OSBPL1A: variants seen among roughly 807,000 people sequenced by gnomAD.
The protein encoded by OSBPL1A is oxysterol binding protein like 1A.
A neutral mutation model predicts 137.1 loss-of-function variants in OSBPL1A; 80 were observed. The ratio of observed to expected loss-of-function variants is 0.58; its 90% CI spans 0.49 to 0.70. OSBPL1A has a LOEUF of 0.70. OSBPL1A is among the 30% of genes least tolerant of loss of function. The pLI, the probability that OSBPL1A is intolerant of heterozygous loss-of-function variation, is 0.00. For synonymous variants in OSBPL1A, 365 were observed against 389.7 expected (o/e 0.94, Z 0.75); for missense variants, 970 against 1,129.4 (o/e 0.86, Z 2.02).
intron 16 of OSBPL1A, among the ~76,000 whole-genome samples, chr18:24,237,871 T>C (rs2088546334): frequency 6.6e-6 from 1 of 152,184 alleles, no homozygotes; most frequent in Non-Finnish European, 1.5e-5. Context: ...TCTCAAATCC[T>C]ACCTTCTCTT....
chr18:24,210,965 TTTTTG>T (rs958930010), intron 17 of OSBPL1A, among the ~76,000 whole-genome samples: 58 of 152,228 alleles, frequency 3.8e-4, no homozygotes, highest in Middle Eastern at 3.4e-3. Flanking sequence ...TAACTTTTTT[TTTTTG>T]TTTGTTTGTT....
At position 24,353,527 on chromosome 18, in the gene OSBPL1A, A is replaced by G. The variant is rs552446374; in HGVS notation, c.283-11869T>C. Among the ~76,000 whole-genome samples the G allele has an allele frequency of 1.9e-3, 289 of 152,074 alleles. 2 individuals are homozygous for G. Among genetic ancestry groups the G allele is most frequent in the African/African-American group, 6.7e-3 (278 of 41,438 alleles). ...CAGTGTGGCGATTCCTCAGGGATCT[A>G]GAACTAGAAATACCATTTGACCCAG... On this transcript the variant is annotated intron_variant, in intron 4 of 27. Coordinates refer to ENST00000319481, the MANE Select transcript of OSBPL1A (RefSeq NM_080597.4).
At chr18:24,358,300 T>A in intron 4 of OSBPL1A, 1 of 598,526 alleles carries the variant, frequency 1.7e-6, no homozygotes, top group East Asian at 2.8e-5. Flanking sequence ...GCCTGGCTGC[T>A]CATCCCCAAC....
intron 7 of OSBPL1A, among the ~76,000 whole-genome samples, chr18:24,331,395 C>T (rs1265301727): frequency 1.4e-5 from 2 of 147,242 alleles, no homozygotes; most frequent in African/African-American, 2.5e-5. Context: ...TGGCATGTTC[C>T]TCTTTTTTTT....
chr18:24,381,484 A>G (rs1906584995), intron 1 of OSBPL1A, among the ~76,000 whole-genome samples: 2 of 152,210 alleles, frequency 1.3e-5, no homozygotes, highest in African/African-American at 4.8e-5. Context: ...CATGACTCAG[A>G]ATCTTATTTT....
At chr18:24,379,286 G>A (rs1599734153) in intron 1 of OSBPL1A, among the ~76,000 whole-genome samples, 1 of 152,124 alleles carries the variant, frequency 6.6e-6, no homozygotes, top group Non-Finnish European at 1.5e-5. Context: ...TTGAGAGGCC[G>A]AGGCGGGTGG....
intron 15 of OSBPL1A, among the ~76,000 whole-genome samples, chr18:24,267,296 T>C (rs996496393): frequency 6.6e-6 from 1 of 151,584 alleles, no homozygotes; most frequent in Admixed American, 6.6e-5. Flanking sequence ...TAAATATATG[T>C]AGTTACTAGT....
intron 17 of OSBPL1A, among the ~76,000 whole-genome samples, chr18:24,200,030 GTAATT>G (rs1032805778): frequency 3.3e-5 from 5 of 152,324 alleles, no homozygotes; most frequent in South Asian, 2.1e-4. Context: ...ACTAATTTTA[GTAATT>G]TATTTTATTT....
intron 1 of OSBPL1A, among the ~76,000 whole-genome samples, chr18:24,394,909 T>G (rs996699899): frequency 1.3e-5 from 2 of 152,142 alleles, no homozygotes; most frequent in African/African-American, 2.4e-5. Flanking sequence ...GTAATAGCAT[T>G]AAAACTATTT....
chr18:24,219,775 T>C (rs779962874), intron 17 of OSBPL1A, among the ~76,000 whole-genome samples: 1 of 152,174 alleles, frequency 6.6e-6, no homozygotes, highest in Non-Finnish European at 1.5e-5. Context: ...TGAGGAAAGA[T>C]GCCTCACAGT....
chr18:24,341,655 A>T lies in OSBPL1A; in HGVS notation c.286T>A (p.Leu96Met). The T allele has an allele frequency of 6.3e-7, 1 of 1,586,392 alleles. No individual in the cohort carries two copies. The highest frequency in any genetic ancestry group is 8.6e-7 in the Non-Finnish European group (1 of 1,162,908). The change falls in exon 5 of 28, where the codon TTG becomes ATG. Residue 96 changes from leucine (L) to methionine (M), a missense_variant. Leu to Met is a conservative substitution (Grantham distance 15). Around this residue, in one of 2 missense-constraint regions of OSBPL1A, gnomAD observed 647 missense variants for 672.6 expected, o/e 0.96. Transcript: ENST00000319481. The stretch of plus-strand genomic sequence containing the variant: ...TTATATTCTAAGAGAAGCATTACCA[A>T]CTCCTAAAAATCAGAGAATTTATTT... ...HRAAFTGRKELVMLLLEYNAD... is the reference protein window; with the variant it reads ...HRAAFTGRKEMVMLLLEYNAD...
At chr18:24,229,093 C>T (rs1319419182) in intron 16 of OSBPL1A, among the ~76,000 whole-genome samples, 2 of 151,996 alleles carry the variant, frequency 1.3e-5, no homozygotes, top group Non-Finnish European at 2.9e-5. Context: ...CCCAGTTACT[C>T]GGAAGGCTGA....
intron 15 of OSBPL1A, among the ~76,000 whole-genome samples, chr18:24,251,107 C>T (rs1417461983): frequency 6.6e-6 from 1 of 152,118 alleles, no homozygotes; most frequent in East Asian, 1.9e-4. Context: ...GGACATCAGG[C>T]AAATTTCTAA....
Position 24,356,572 on chromosome 18 carries a change from T to A in OSBPL1A, c.282+10320A>T, listed in dbSNP as rs147511536. Reference sequence around the variant, plus strand: ...TGGTTGGGTCCAGAAATACACCTAGTGGTCATTCTCCTAGTCCCTGAATAT... The same window carrying A: ...TGGTTGGGTCCAGAAATACACCTAGAGGTCATTCTCCTAGTCCCTGAATAT... On this transcript the variant is annotated intron_variant, in intron 4 of 27. Coordinates refer to ENST00000319481, the MANE Select transcript of OSBPL1A (RefSeq NM_080597.4). Among the ~76,000 whole-genome samples the A allele has an allele frequency of 3.6e-3, 547 of 152,220 alleles. 1 individual carries two copies. Among genetic ancestry groups the A allele is most frequent in the Middle Eastern group, 0.024 (7 of 294 alleles).
At chr18:24,320,892 G>T (rs967614482) in intron 7 of OSBPL1A, among the ~76,000 whole-genome samples, 1 of 152,064 alleles carries the variant, frequency 6.6e-6, no homozygotes, top group East Asian at 1.9e-4. Context: ...AGCTGGGTGT[G>T]GTGGCAGGCA....
At chr18:24,219,144 T>C (rs2087806378) in intron 17 of OSBPL1A, among the ~76,000 whole-genome samples, 1 of 151,816 alleles carries the variant, frequency 6.6e-6, no homozygotes, top group South Asian at 2.1e-4. Context: ...AAAAAATTAA[T>C]TAGCTAGGCA....
chr18:24,366,976 A>G lies in OSBPL1A; in HGVS notation c.208-10T>C. 1 of 1,600,748 alleles carries G rather than the reference A, an allele frequency of 6.2e-7. No homozygotes were observed. The highest frequency in any genetic ancestry group is 8.5e-7 in the Non-Finnish European group (1 of 1,173,642). On this transcript the variant is annotated splice_polypyrimidine_tract_variant and intron_variant, in intron 3 of 27. Coordinates refer to ENST00000319481, the MANE Select transcript of OSBPL1A (RefSeq NM_080597.4). ...TCACTTCTGCACCAGCCTAGTAAACATGACCACTTTAAATACCAAGAAATA... is the reference window on the plus strand; with the variant it reads ...TCACTTCTGCACCAGCCTAGTAAACGTGACCACTTTAAATACCAAGAAATA...
Position 24,271,768 on chromosome 18 carries a change from G to T in OSBPL1A, c.1281+9074C>A. ...CGGGAGGCGCGACCCAGGGCGGCCC[G>T]CAAGGTCTCCCTAAGTCACCTTTGC... On this transcript the variant is annotated intron_variant, in intron 15 of 27. Transcript: ENST00000319481. The surrounding 1 kb of genome is among the most constrained non-coding windows in gnomAD (Gnocchi z 4.0). 3 of 985,476 alleles carry T rather than the reference G, an allele frequency of 3.0e-6. No homozygotes were observed. The highest frequency in any genetic ancestry group is 3.6e-6 in the Non-Finnish European group (3 of 830,024). 61.0% of individuals were successfully genotyped at this position (985,476 alleles called of 1,614,324 possible).
At chr18:24,362,268 C>T (rs895872440) in intron 4 of OSBPL1A, among the ~76,000 whole-genome samples, 1 of 152,162 alleles carries the variant, frequency 6.6e-6, no homozygotes, top group South Asian at 2.1e-4. Flanking sequence ...AAGTAGTTCA[C>T]GTAGTCAGGC....
Sources: allele counts gnomAD v4.1 joint callset (sites outside exome capture counted in the v4.1 genomes callset), GRCh38; gene constraint gnomAD v4.1.1; regional missense constraint gnomAD v4.1.1; non-coding constraint Gnocchi (gnomAD v3.1); transcripts MANE v1.5; gene names NCBI Gene and HGNC (gene_info 2026-07-23, HGNC 2026-07-21).